Variants in ARHGAP31 observed in about 807,000 individuals in gnomAD.
ARHGAP31 encodes Rho GTPase activating protein 31.
In ARHGAP31, 34 loss-of-function variants were observed where a neutral mutation model predicts 113.9. The ratio of observed to expected loss-of-function variants is 0.30; its 90% confidence interval spans 0.23 to 0.40. The LOEUF is 0.40. Ranked by LOEUF, ARHGAP31 falls within the 10% of genes least tolerant of loss-of-function variation. ARHGAP31 has a pLI of 1.00. For synonymous variants in ARHGAP31, 650 were observed against 684.8 expected (o/e 0.95, Z 0.79); for missense variants, 1,548 against 1,767.1 (o/e 0.88, Z 2.22).
At chr3:119,317,480 T>C (rs1177864965) in intron 1 of ARHGAP31, among the ~76,000 whole-genome samples, 1 of 152,148 alleles carries the variant, frequency 6.6e-6, no homozygotes, top group African/African-American at 2.4e-5. Flanking sequence ...CCTGGCCACA[T>C]TTCTATTTTC....
chr3:119,318,806 C>T (rs1411278058), intron 1 of ARHGAP31, among the ~76,000 whole-genome samples: 2 of 152,032 alleles, frequency 1.3e-5, no homozygotes, highest in Non-Finnish European at 2.9e-5. Flanking sequence ...TCTGGTAGTA[C>T]AGAATGCAGT....
chr3:119,410,133 G>T (rs2080703187), intron 11 of ARHGAP31, among the ~76,000 whole-genome samples: 1 of 152,168 alleles, frequency 6.6e-6, no homozygotes. Context: ...CAAATATCAT[G>T]ATCAGTCACA....
chr3:119,412,313 GGGA>G (rs1239304047), intron 11 of ARHGAP31, among the ~76,000 whole-genome samples: 2 of 151,812 alleles, frequency 1.3e-5, no homozygotes, highest in African/African-American at 4.8e-5. Context: ...GCTTGAACCC[GGGA>G]GGAGGAGGTT....
At chr3:119,351,727 C>T (rs532028815) in intron 1 of ARHGAP31, among the ~76,000 whole-genome samples, 20 of 152,188 alleles carry the variant, frequency 1.3e-4, no homozygotes, top group Non-Finnish European at 1.9e-4. Flanking sequence ...AAGTTTGCTT[C>T]TCTCTCATTA....
intron 2 of ARHGAP31, among the ~76,000 whole-genome samples, 165 bp from the exon 3 acceptor site, chr3:119,368,207 C>T (rs2080266139): frequency 6.6e-6 from 1 of 152,160 alleles, no homozygotes; most frequent in South Asian, 2.1e-4. Context: ...TGGAAGTCTT[C>T]CTGTGACTTC....
intron 1 of ARHGAP31, among the ~76,000 whole-genome samples, chr3:119,319,458 T>G (rs937909166): frequency 6.6e-6 from 1 of 152,158 alleles, no homozygotes; most frequent in African/African-American, 2.4e-5. Context: ...CCACGGTACA[T>G]TATAGCATAA....
At chr3:119,387,471 T>C (rs1481103495) in intron 6 of ARHGAP31, among the ~76,000 whole-genome samples, 1 of 152,248 alleles carries the variant, frequency 6.6e-6, no homozygotes, top group Non-Finnish European at 1.5e-5. Context: ...TATTCTTGTT[T>C]TATATTTTAT....
In ARHGAP31 at chr3:119,294,886, G is replaced by C. The variant is rs756557191; in HGVS notation, c.-19G>C. On this transcript the variant is annotated 5_prime_UTR_variant, in exon 1 of 12. Coordinates refer to ENST00000264245, the MANE Select transcript of ARHGAP31 (RefSeq NM_020754.4). ...GAGGGGCGGCAGAGACGGAGGGGCA[G>C]CCTCTTTGGGACTAACTCATGAAGA... 4 of 1,612,056 alleles carry C rather than the reference G, an allele frequency of 2.5e-6. No homozygotes were observed. The highest frequency in any genetic ancestry group is 3.4e-6 in the Non-Finnish European group (4 of 1,178,464).
intron 8 of ARHGAP31, among the ~76,000 whole-genome samples, chr3:119,396,167 A>G (rs968382530): frequency 2.6e-5 from 4 of 152,250 alleles, no homozygotes; most frequent in Non-Finnish European, 5.9e-5. Flanking sequence ...AAAAAGAACA[A>G]TTCCCAGGCA....
intron 1 of ARHGAP31, among the ~76,000 whole-genome samples, chr3:119,332,604 T>TTC (rs34228523): frequency 0.015 from 1,611 of 105,682 alleles, 21 homozygotes; most frequent in East Asian, 0.023. Context: ...CTCTCTCTCT[T>TTC]TCTCTCTCTC....
At chr3:119,404,551 G>C (rs2080644220) in intron 10 of ARHGAP31, among the ~76,000 whole-genome samples, 1 of 152,176 alleles carries the variant, frequency 6.6e-6, no homozygotes, top group South Asian at 2.1e-4. Flanking sequence ...TCCATGTGGA[G>C]AACTTCACCT....
At chr3:119,297,464 T>C (rs1377147653) in intron 1 of ARHGAP31, among the ~76,000 whole-genome samples, 8 of 152,196 alleles carry the variant, frequency 5.3e-5, no homozygotes, top group African/African-American at 1.9e-4. Flanking sequence ...ACTGACATCA[T>C]GGTTACTGAA....
At chr3:119,378,373 A>C (rs1222214151) in intron 3 of ARHGAP31, among the ~76,000 whole-genome samples, 1 of 152,156 alleles carries the variant, frequency 6.6e-6, no homozygotes, top group Non-Finnish European at 1.5e-5. Flanking sequence ...AGAGGTTGCA[A>C]ATAATGAAAT....
intron 6 of ARHGAP31, among the ~76,000 whole-genome samples, chr3:119,388,440 C>T (rs1258479789): frequency 6.6e-6 from 1 of 151,994 alleles, no homozygotes; most frequent in African/African-American, 2.4e-5. Flanking sequence ...CGGGTTTGTT[C>T]TCAGTGCCTT....
chr3:119,406,547 A>G (rs2080664121), intron 10 of ARHGAP31, among the ~76,000 whole-genome samples: 1 of 152,188 alleles, frequency 6.6e-6, no homozygotes. Flanking sequence ...CACACAGTGA[A>G]GTTCTATAGA....
chr3:119,336,859 T>C (rs542311302), intron 1 of ARHGAP31, among the ~76,000 whole-genome samples: 1 of 152,316 alleles, frequency 6.6e-6, no homozygotes, highest in South Asian at 2.1e-4. Flanking sequence ...ATGAATCTAG[T>C]TTCTATCTTT....
chr3:119,419,878 TG>T lies in ARHGAP31; in HGVS notation c.*3616del, dbSNP rs1371920352. The T allele has an allele frequency of 6.6e-6, 1 of 152,232 alleles. No homozygotes were observed. The highest frequency in any genetic ancestry group is 1.5e-5 in the Non-Finnish European group (1 of 68,040). 9.4% of individuals were successfully genotyped at this position (152,232 alleles called of 1,614,324 possible). A position where few individuals can be genotyped will look rare whatever the true frequency, so the allele number is the denominator to read the frequency against. ...AGGTTTCGTGTGGTCATAATTGGTT[TG>T]GTGAAGTGTGAGATCTCTGCAAATG... On this transcript the variant is annotated 3_prime_UTR_variant, in exon 12 of 12. Coordinates refer to ENST00000264245, the MANE Select transcript of ARHGAP31 (RefSeq NM_020754.4).
chr3:119,364,344 G>A (rs952439752), intron 1 of ARHGAP31, among the ~76,000 whole-genome samples: 13 of 151,260 alleles, frequency 8.6e-5, no homozygotes, highest in Admixed American at 5.3e-4. Flanking sequence ...TTTTTCCTTC[G>A]AATTTTTTTA....
rs2080800154 is a variant in ARHGAP31, at chr3:119,418,814, T to A, written c.*2550T>A. The A allele has an allele frequency of 6.6e-6, 1 of 152,156 alleles. No homozygotes were observed. The highest frequency in any genetic ancestry group is 1.5e-5 in the Non-Finnish European group (1 of 68,038). 9.4% of individuals were successfully genotyped at this position (152,156 alleles called of 1,614,324 possible). A position where few individuals can be genotyped will look rare whatever the true frequency, so the allele number is the denominator to read the frequency against. ...CCCTACTCTCAGCTTTCCTTGCTAGTCAAGTCCAAAAGGCCTTAGAAGCTG... is the reference window on the plus strand; with the variant it reads ...CCCTACTCTCAGCTTTCCTTGCTAGACAAGTCCAAAAGGCCTTAGAAGCTG... On this transcript the variant is annotated 3_prime_UTR_variant, in exon 12 of 12. Coordinates refer to ENST00000264245, the MANE Select transcript of ARHGAP31 (RefSeq NM_020754.4).
Sources: allele counts gnomAD v4.1 joint callset (sites outside exome capture counted in the v4.1 genomes callset), GRCh38; gene constraint gnomAD v4.1.1; transcripts MANE v1.5; gene names NCBI Gene and HGNC (gene_info 2026-07-23, HGNC 2026-07-21).